Variants in RNF180 observed in about 807,000 individuals in gnomAD.
RNF180 encodes the protein E3 ubiquitin-protein ligase RNF180.
A neutral mutation model predicts 59.2 loss-of-function variants in RNF180; 38 were observed. The observed-to-expected ratio is 0.64, with a 90% CI of 0.50 to 0.84. The LOEUF is 0.84. RNF180 is among the 40% of genes least tolerant of loss of function. The pLI, the probability that RNF180 is intolerant of heterozygous loss-of-function variation, is 0.00. For synonymous variants in RNF180, 262 were observed against 240.3 expected (o/e 1.09, Z -0.84); for missense variants, 705 against 700.9 (o/e 1.01, Z -0.07).
intron 6 of RNF180, among the ~76,000 whole-genome samples, chr5:64,327,686 T>C (rs1489654126): frequency 6.6e-6 from 1 of 152,218 alleles, no homozygotes; most frequent in Non-Finnish European, 1.5e-5. Context: ...TCTTTTGTTC[T>C]AACACATGGC....
chr5:64,172,387 C>A (rs757627226), intron 1 of RNF180, among the ~76,000 whole-genome samples: 3 of 152,068 alleles, frequency 2.0e-5, no homozygotes, highest in African/African-American at 7.2e-5. Flanking sequence ...CCCCACCCCC[C>A]ACAAGGAATG....
intron 7 of RNF180, among the ~76,000 whole-genome samples, chr5:64,363,386 G>T (rs1746329726): frequency 6.6e-6 from 1 of 151,674 alleles, no homozygotes. Flanking sequence ...CAGCTTTGTT[G>T]AAAATAAGAT....
intron 5 of RNF180, among the ~76,000 whole-genome samples, chr5:64,258,487 C>T (rs1022559735): frequency 6.6e-6 from 1 of 152,014 alleles, no homozygotes; most frequent in Non-Finnish European, 1.5e-5. Context: ...CAGAATTTGG[C>T]AGCTAGTTAG....
intron 1 of RNF180, among the ~76,000 whole-genome samples, chr5:64,179,036 C>T (rs35928645): frequency 2.4e-3 from 363 of 152,214 alleles, no homozygotes; most frequent in Non-Finnish European, 4.0e-3. Context: ...GTTGTTGCTG[C>T]TCCTTCCCCA....
chr5:64,186,499 C>T (rs568494281), intron 1 of RNF180, among the ~76,000 whole-genome samples: 1 of 152,062 alleles, frequency 6.6e-6, no homozygotes, highest in Non-Finnish European at 1.5e-5. Context: ...TTTGCCTGTT[C>T]TCTCCCAGTC....
intron 7 of RNF180, among the ~76,000 whole-genome samples, chr5:64,336,320 A>G (rs1163903582): frequency 1.3e-5 from 2 of 152,184 alleles, no homozygotes; most frequent in East Asian, 3.8e-4. Flanking sequence ...CCAAGTGGTT[A>G]TGCGTACCTC....
intron 5 of RNF180, among the ~76,000 whole-genome samples, chr5:64,276,631 C>G (rs1298726729): frequency 1.3e-5 from 2 of 151,686 alleles, no homozygotes; most frequent in Non-Finnish European, 2.9e-5. Context: ...TCAGTGATAG[C>G]TCAATGGGAT....
chr5:64,240,910 A>G (rs186131607), intron 5 of RNF180, among the ~76,000 whole-genome samples: 6 of 152,298 alleles, frequency 3.9e-5, no homozygotes, highest in Non-Finnish European at 8.8e-5. Context: ...TCTTCATAGT[A>G]CTTATTGCCA....
chr5:64,195,981 A>G (rs1332015746), intron 1 of RNF180, among the ~76,000 whole-genome samples: 1 of 152,184 alleles, frequency 6.6e-6, no homozygotes, highest in Non-Finnish European at 1.5e-5. Flanking sequence ...ATATGGGGAG[A>G]GCTTGCAAAC....
chr5:64,191,843 G>A (rs1417300342), intron 1 of RNF180, among the ~76,000 whole-genome samples: 1 of 152,082 alleles, frequency 6.6e-6, no homozygotes, highest in Non-Finnish European at 1.5e-5. Flanking sequence ...TGTCCATTTT[G>A]TGTCAAATTC....
intron 7 of RNF180, among the ~76,000 whole-genome samples, chr5:64,354,590 C>T (rs1056231507): frequency 5.3e-5 from 8 of 151,838 alleles, no homozygotes; most frequent in Non-Finnish European, 1.2e-4. Context: ...CTTCATGATT[C>T]ATTCTATGAG....
chr5:64,349,586 C>G (rs191166002), intron 7 of RNF180, among the ~76,000 whole-genome samples: 1 of 151,124 alleles, frequency 6.6e-6, no homozygotes. Flanking sequence ...TCCCCCCTTG[C>G]CCCCCACCAC....
intron 5 of RNF180, among the ~76,000 whole-genome samples, chr5:64,292,941 C>T (rs921067068): frequency 6.6e-6 from 1 of 152,256 alleles, no homozygotes; most frequent in African/African-American, 2.4e-5. Context: ...ATTGTGGGCA[C>T]TCTTCCTTGT....
intron 7 of RNF180, among the ~76,000 whole-genome samples, chr5:64,350,299 G>A (rs1745744337): frequency 6.6e-6 from 1 of 152,036 alleles, no homozygotes; most frequent in Admixed American, 6.5e-5. Flanking sequence ...GTTCTTTGTA[G>A]ATTCTGGATA....
In RNF180 at chr5:64,325,369, C is replaced by A. The variant is rs1171819409; in HGVS notation, c.1411C>A (p.Pro471Thr). 6.4e-7 allele frequency: 1 copy of A among 1,551,664 alleles called. No individual in the cohort carries two copies. The highest frequency in any genetic ancestry group is 2.0e-5 in the Admixed American group (1 of 51,002). ...AKDNPSSTPC[P>T]LCRTIISRVF... ...AGACAATCCTTCAAGCACTCCATGCCCATTGTGTCGGACAATTATTTCTAG... is the reference window on the plus strand; with the variant it reads ...AGACAATCCTTCAAGCACTCCATGCACATTGTGTCGGACAATTATTTCTAG... Residue 471 changes from proline to threonine, a missense_variant, in exon 6 of 8, where the codon CCA (proline) becomes ACA (threonine). Pro to Thr is a conservative substitution (Grantham distance 38). Coordinates refer to ENST00000389100, the MANE Select transcript of RNF180 (RefSeq NM_001113561.2).
chr5:64,362,085 A>G (rs1346298214), intron 7 of RNF180, among the ~76,000 whole-genome samples: 2 of 151,464 alleles, frequency 1.3e-5, no homozygotes, highest in African/African-American at 4.8e-5. Context: ...TTATTGATTA[A>G]AATAATTTTT....
chr5:64,289,699 TGTTG>T (rs1742472669), intron 5 of RNF180, among the ~76,000 whole-genome samples: 1 of 152,200 alleles, frequency 6.6e-6, no homozygotes, highest in Non-Finnish European at 1.5e-5. Context: ...TAGTATTCTC[TGTTG>T]GTTGTTTGTA....
rs549427537 is a variant in RNF180 at position 64,369,917 on chromosome 5, A to G, written c.*103A>G. On this transcript the variant is annotated 3_prime_UTR_variant, in exon 8 of 8. Coordinates refer to ENST00000389100, the MANE Select transcript of RNF180 (RefSeq NM_001113561.2). The stretch of plus-strand genomic sequence containing the variant: ...TGAAGTTTTTTTAATGTTGCATTAT[A>G]CAAATTGTTGATGTTTATAGAAAGC... 1 of 615,834 alleles carries G rather than the reference A, an allele frequency of 1.6e-6. No homozygotes were observed. Among genetic ancestry groups the G allele is most frequent in the South Asian group, 2.9e-5 (1 of 34,112 alleles). The allele number at this position is 615,834 out of a possible 1,614,324, so 38.1% of individuals were successfully genotyped here. A position where few individuals can be genotyped will look rare whatever the true frequency, so the allele number is the denominator to read the frequency against.
At chr5:64,298,037 A>T (rs568603593) in intron 5 of RNF180, among the ~76,000 whole-genome samples, 2 of 151,752 alleles carry the variant, frequency 1.3e-5, no homozygotes, top group Non-Finnish European at 2.9e-5. Context: ...ATTTTTCCTG[A>T]TCTTCTCCCT....
Sources: allele counts gnomAD v4.1 joint callset (sites outside exome capture counted in the v4.1 genomes callset), GRCh38; gene constraint gnomAD v4.1.1; transcripts MANE v1.5; gene names NCBI Gene and HGNC (gene_info 2026-07-23, HGNC 2026-07-21).